Variants in TPST2 observed in about 807,000 individuals in gnomAD.
TPST2 encodes the protein protein-tyrosine sulfotransferase 2.
A neutral mutation model predicts 27.8 loss-of-function variants in TPST2; 16 were observed. The observed-to-expected ratio is 0.58, with a 90% confidence interval of 0.39 to 0.88. The LOEUF (loss-of-function observed/expected upper bound fraction) is 0.88. Among genes scored for constraint, TPST2 ranks in the 40% least tolerant of loss-of-function variants. TPST2 has a pLI of 0.00. For synonymous variants in TPST2, 229 were observed against 231.7 expected (o/e 0.99, Z 0.10); for missense variants, 464 against 543.1 (o/e 0.85, Z 1.45).
At chr22:26,561,826 T>C (rs1195458840) in intron 1 of TPST2, among the ~76,000 whole-genome samples, 1 of 152,164 alleles carries the variant, frequency 6.6e-6, no homozygotes, top group Non-Finnish European at 1.5e-5. Context: ...GTTTGAGCAG[T>C]GGGTGAGCAG....
At chr22:26,567,865 G>A (rs920747272) in intron 1 of TPST2, among the ~76,000 whole-genome samples, 2 of 152,170 alleles carry the variant, frequency 1.3e-5, no homozygotes, top group Non-Finnish European at 2.9e-5. Context: ...AGTACATTGT[G>A]GGATCATTAC....
At chr22:26,545,340 C>T (rs2147195052) in intron 1 of TPST2, among the ~76,000 whole-genome samples, 1 of 152,274 alleles carries the variant, frequency 6.6e-6, no homozygotes, top group African/African-American at 2.4e-5. Flanking sequence ...TTTCACCATC[C>T]AGATCTGTAA....
chr22:26,552,513 C>T (rs925360944), intron 1 of TPST2, among the ~76,000 whole-genome samples: 29 of 152,020 alleles, frequency 1.9e-4, no homozygotes, highest in Admixed American at 1.7e-3. Context: ...AACTGTTTCC[C>T]CAACTTTCGA....
chr22:26,551,031 T>G (rs1051106715), intron 1 of TPST2, among the ~76,000 whole-genome samples: 13 of 152,242 alleles, frequency 8.5e-5, no homozygotes, highest in Non-Finnish European at 1.8e-4. Context: ...TGGTGGCTCA[T>G]GCCTATAATC....
rs187632062 is a variant in TPST2, at chr22:26,579,223, C to T, written c.-161+10830G>A. 1.3e-3 allele frequency among the ~76,000 whole-genome samples: 200 copies of T among 152,282 alleles called. 1 individual carries two copies. Among genetic ancestry groups the T allele is most frequent in the Middle Eastern group, 3.4e-3 (1 of 294 alleles). Reference sequence around the variant, plus strand: ...ACTCTTAGCCATCAAATATGCACTGCTGGTCTACTGTGCACTTGAGCAAGG... The same window carrying T: ...ACTCTTAGCCATCAAATATGCACTGTTGGTCTACTGTGCACTTGAGCAAGG... On this transcript the variant is annotated intron_variant, in intron 1 of 6. Coordinates refer to ENST00000338754, the MANE Select transcript of TPST2 (RefSeq NM_003595.5).
At chr22:26,544,569 G>A in intron 2 of TPST2, 35 bp downstream of exon 2, 1 of 983,082 alleles carries the variant, frequency 1.0e-6, no homozygotes, top group Non-Finnish European at 1.2e-6. Context: ...GGAGGGGCCA[G>A]GACTCCAGGG....
intron 1 of TPST2, among the ~76,000 whole-genome samples, chr22:26,574,001 C>T (rs577705983): frequency 3.7e-4 from 57 of 152,238 alleles, no homozygotes; most frequent in African/African-American, 1.2e-3. Flanking sequence ...GAGAAACCCA[C>T]GAGAGAGAAG....
rs540809793 is a variant in TPST2, at chr22:26,561,123, G to C, written c.-160-16448C>G. ...GGAAGATGAAGAGGATGAGGAGGAG[G>C]AAGATGAAGAAGATGAAGATGAAGA... is the stretch of plus-strand genomic sequence containing the variant. On this transcript the variant is annotated intron_variant, in intron 1 of 6. Transcript: ENST00000338754. 5 of 1,608,012 alleles carry C rather than the reference G, an allele frequency of 3.1e-6. No individual in the cohort carries two copies. The East Asian group carries it at 1.1e-4, about 36-fold the overall frequency.
At chr22:26,587,685 G>T (rs1928395867) in intron 1 of TPST2, among the ~76,000 whole-genome samples, 1 of 152,118 alleles carries the variant, frequency 6.6e-6, no homozygotes, top group Non-Finnish European at 1.5e-5. Flanking sequence ...GATTTCAAGG[G>T]TTATGACTGC....
intron 1 of TPST2, among the ~76,000 whole-genome samples, chr22:26,575,603 A>G (rs2147235486): frequency 6.6e-6 from 1 of 152,320 alleles, no homozygotes; most frequent in African/African-American, 2.4e-5. Context: ...TCCGGCATAG[A>G]GCAGGCACAC....
At chr22:26,546,487 G>A (rs970280570) in intron 1 of TPST2, among the ~76,000 whole-genome samples, 11 of 152,326 alleles carry the variant, frequency 7.2e-5, no homozygotes, top group Admixed American at 5.2e-4. Flanking sequence ...AAATGCCAGC[G>A]AGCCCAAGAG....
rs71192941 is a variant in TPST2, at chr22:26,558,120, TAC to T, written c.-160-13447_-160-13446del. Among the ~76,000 whole-genome samples, 775 of 141,410 alleles carry T rather than the reference TAC, an allele frequency of 5.5e-3. 3 individuals carry two copies. The highest frequency in any genetic ancestry group is 0.016 in the African/African-American group (590 of 37,826). 92.8% of individuals were successfully genotyped at this position (141,410 alleles called of 152,430 possible). On this transcript the variant is annotated intron_variant, in intron 1 of 6. Transcript: ENST00000338754. Reference sequence around the variant, plus strand: ...AATTATTATATAAAAATATATATAATACACACACACACACACACACACACACA... The same window carrying T: ...AATTATTATATAAAAATATATATAATACACACACACACACACACACACACA...
chr22:26,563,331 CTT>C (rs369020254), intron 1 of TPST2, among the ~76,000 whole-genome samples: 4,686 of 133,556 alleles, frequency 0.035, 102 homozygotes, highest in Non-Finnish European at 0.056. Context: ...CCCTCTTCTT[CTT>C]TTTTTTTTTT....
At chr22:26,549,945 CAGG>C (rs1218309423) in intron 1 of TPST2, among the ~76,000 whole-genome samples, 2 of 148,818 alleles carry the variant, frequency 1.3e-5, no homozygotes, top group African/African-American at 5.0e-5. Flanking sequence ...GAGGCTAAGG[CAGG>C]AGAATTGCTT....
chr22:26,561,246 T>G (rs1166209806), intron 1 of TPST2, among the ~76,000 whole-genome samples: 1 of 151,928 alleles, frequency 6.6e-6, no homozygotes, highest in Non-Finnish European at 1.5e-5. Flanking sequence ...AAGAAAAAAA[T>G]TGAAATGTAA....
At chr22:26,552,525 G>A (rs528861235) in intron 1 of TPST2, among the ~76,000 whole-genome samples, 1 of 152,142 alleles carries the variant, frequency 6.6e-6, no homozygotes, top group African/African-American at 2.4e-5. Context: ...AACTTTCGAC[G>A]ACCCTGCTTT....
chr22:26,574,651 A>G (rs1162782146), intron 1 of TPST2, among the ~76,000 whole-genome samples: 1 of 152,146 alleles, frequency 6.6e-6, no homozygotes, highest in Non-Finnish European at 1.5e-5. Context: ...GGCTCCCCTC[A>G]TGCCCAGTCC....
intron 1 of TPST2, among the ~76,000 whole-genome samples, chr22:26,563,061 G>A (rs1199508827): frequency 1.3e-5 from 2 of 152,172 alleles, no homozygotes; most frequent in African/African-American, 4.8e-5. Flanking sequence ...AATGTCACTA[G>A]TGCCAAGGTT....
intron 1 of TPST2, among the ~76,000 whole-genome samples, chr22:26,568,315 G>A (rs1927457303): frequency 6.6e-6 from 1 of 152,212 alleles, no homozygotes; most frequent in South Asian, 2.1e-4. Context: ...GCGTGGTTCT[G>A]TCAGAGGCAC....
Sources: allele counts gnomAD v4.1 joint callset (sites outside exome capture counted in the v4.1 genomes callset), GRCh38; gene constraint gnomAD v4.1.1; transcripts MANE v1.5; gene names NCBI Gene and HGNC (gene_info 2026-07-23, HGNC 2026-07-21).